The following FSHR variants were observed in gnomAD, a reference collection of about 807,000 sequenced individuals.
The protein encoded by FSHR is follicle-stimulating hormone receptor.
Under a neutral mutation model 52.1 loss-of-function variants are expected in FSHR, and 46 were observed. The observed-to-expected ratio is 0.88, with a 90% CI of 0.70 to 1.13. FSHR has a LOEUF of 1.13. Ranked by LOEUF, FSHR falls within the 50% of genes most tolerant of loss-of-function variation. The pLI is 0.00. For synonymous variants in FSHR, 399 were observed against 309.6 expected, an observed-to-expected ratio of 1.29 and a Z score of -3.03; for missense variants, 964 against 834.6, an observed-to-expected ratio of 1.16 and a Z score of -1.91.
chr2:49,068,443 T>C (rs867488623), intron 1 of FSHR, among the ~76,000 whole-genome samples, 153 bp from the exon 2 acceptor site: 3 of 152,084 alleles, frequency 2.0e-5, no homozygotes, highest in Non-Finnish European at 4.4e-5. Context: ...TTTCATCCTG[T>C]CTACAACTAG....
At chr2:49,079,474 T>C (rs72822019) in intron 1 of FSHR, among the ~76,000 whole-genome samples, 9,434 of 152,132 alleles carry the variant, frequency 0.062, 541 homozygotes, top group East Asian at 0.22. Flanking sequence ...ATTGAGGGGA[T>C]TGGCATACCA....
At chr2:49,062,361 C>T (rs1310059326) in intron 2 of FSHR, among the ~76,000 whole-genome samples, 2 of 152,040 alleles carry the variant, frequency 1.3e-5, no homozygotes, top group East Asian at 3.9e-4. Flanking sequence ...TGGATATTCA[C>T]ATGCAGAAAA....
chr2:49,126,252 T>C (rs1327763902), intron 1 of FSHR, among the ~76,000 whole-genome samples: 1 of 151,740 alleles, frequency 6.6e-6, no homozygotes, highest in Non-Finnish European at 1.5e-5. Context: ...TCAAGGGCCT[T>C]TGTGCTTCCT....
chr2:48,999,383 G>C (rs1426159948), intron 4 of FSHR, among the ~76,000 whole-genome samples: 1 of 152,116 alleles, frequency 6.6e-6, no homozygotes, highest in South Asian at 2.1e-4. Flanking sequence ...AGCACAGCTA[G>C]AGGTTGAATT....
chr2:48,988,248 A>G (rs1176788335), intron 6 of FSHR, among the ~76,000 whole-genome samples: 2 of 152,210 alleles, frequency 1.3e-5, no homozygotes, highest in Admixed American at 1.3e-4. Context: ...TAAAAACACA[A>G]CAGTTTGTAA....
At chr2:49,102,421 G>T (rs1214751121) in intron 1 of FSHR, among the ~76,000 whole-genome samples, 1 of 152,160 alleles carries the variant, frequency 6.6e-6, no homozygotes, top group East Asian at 1.9e-4. Context: ...CAGCCTGGAA[G>T]ACAACTAAGA....
At chr2:49,090,561 T>C (rs565853338) in intron 1 of FSHR, among the ~76,000 whole-genome samples, 1 of 152,352 alleles carries the variant, frequency 6.6e-6, no homozygotes, top group East Asian at 1.9e-4. Context: ...TGATTATGAA[T>C]AGAGCTGCTA....
At position 49,109,517 on chromosome 2, in the gene FSHR, G is replaced by A. The variant is rs539474173; in HGVS notation, c.153-41227C>T. On this transcript the variant is annotated intron_variant, in intron 1 of 9. Coordinates refer to ENST00000406846, the MANE Select transcript of FSHR (RefSeq NM_000145.4). ...GTGAGAGAGCCTCCCCTGAGGTCAA[G>A]CGCATGGAGGACATAGTGGTTGTTC... 7.2e-5 allele frequency among the ~76,000 whole-genome samples: 11 copies of A among 152,264 alleles called. No homozygotes were observed. The South Asian group carries it at 2.3e-3, about 32-fold the overall frequency.
chr2:49,133,947 A>C (rs553362349), intron 1 of FSHR, among the ~76,000 whole-genome samples: 1 of 152,352 alleles, frequency 6.6e-6, no homozygotes, highest in Non-Finnish European at 1.5e-5. Context: ...TAAATGTTAG[A>C]TGTAAAACCT....
At chr2:49,078,952 T>A (rs1361188627) in intron 1 of FSHR, among the ~76,000 whole-genome samples, 1 of 152,090 alleles carries the variant, frequency 6.6e-6, no homozygotes, top group African/African-American at 2.4e-5. Context: ...GAATTACTGA[T>A]GAAAAACTAT....
intron 1 of FSHR, among the ~76,000 whole-genome samples, chr2:49,134,195 C>A (rs1215890302): frequency 3.3e-5 from 5 of 152,200 alleles, no homozygotes; most frequent in Admixed American, 3.3e-4. Flanking sequence ...TATCCAGAAT[C>A]TACCAAGAAC....
intron 8 of FSHR, among the ~76,000 whole-genome samples, chr2:48,978,103 A>G (rs1425266141): frequency 7.9e-5 from 12 of 152,314 alleles, no homozygotes; most frequent in Non-Finnish European, 4.4e-5. Context: ...CCACATTGTT[A>G]GTACTCTTCA....
At chr2:48,994,750 A>G (rs1675947568) in intron 4 of FSHR, among the ~76,000 whole-genome samples, 1 of 152,162 alleles carries the variant, frequency 6.6e-6, no homozygotes, top group Non-Finnish European at 1.5e-5. Flanking sequence ...TTTATCTTCA[A>G]AAAACAGTTA....
At position 48,979,284 on chromosome 2, in the gene FSHR, C is replaced by CA. The variant is rs374207026; in HGVS notation, c.668+3627dup. 5.1e-4 allele frequency among the ~76,000 whole-genome samples: 77 copies of CA among 151,712 alleles called. No homozygotes were observed. The South Asian group carries it at 5.2e-3, about 10-fold the overall frequency. ...ACATAGTGAGACCCTGTCTCTGCAA[C>CA]AAAAAAAATGGCCAGGTGTGGTGGT... On this transcript the variant is annotated intron_variant, in intron 8 of 9. Transcript: ENST00000406846.
intron 1 of FSHR, among the ~76,000 whole-genome samples, chr2:49,135,991 C>T (rs936272409): frequency 7.3e-5 from 11 of 151,352 alleles, no homozygotes; most frequent in Admixed American, 2.0e-4. Context: ...ACATAAAAGT[C>T]GCCCCACATA....
intron 8 of FSHR, among the ~76,000 whole-genome samples, chr2:48,982,334 G>C (rs1470606557): frequency 3.9e-5 from 6 of 152,196 alleles, no homozygotes; most frequent in African/African-American, 1.4e-4. Flanking sequence ...TGCTGATGCA[G>C]GGCTGTGAGG....
intron 8 of FSHR, among the ~76,000 whole-genome samples, chr2:48,977,887 G>A (rs1412300114): frequency 4.6e-5 from 7 of 152,094 alleles, no homozygotes; most frequent in Non-Finnish European, 5.9e-5. Flanking sequence ...AGGGGTAGTT[G>A]TGGACTGGTG....
intron 2 of FSHR, among the ~76,000 whole-genome samples, chr2:49,021,256 G>A (rs759107738): frequency 6.6e-6 from 1 of 152,120 alleles, no homozygotes; most frequent in African/African-American, 2.4e-5. Context: ...TTCTCCCAGA[G>A]TAATTTGAGG....
chr2:49,134,884 G>A (rs866303809), intron 1 of FSHR, among the ~76,000 whole-genome samples: 94 of 152,240 alleles, frequency 6.2e-4, no homozygotes, highest in Admixed American at 6.5e-4. Context: ...ATGGACACAG[G>A]AAGGGGAACA....
Sources: allele counts gnomAD v4.1 joint callset (sites outside exome capture counted in the v4.1 genomes callset), GRCh38; gene constraint gnomAD v4.1.1; transcripts MANE v1.5; gene names NCBI Gene and HGNC (gene_info 2026-07-23, HGNC 2026-07-21).